Variants in CCN4 observed in about 807,000 individuals in gnomAD.
CCN4 encodes the protein CCN family member 4.
In CCN4, 30 loss-of-function variants were observed where a neutral mutation model predicts 36.7. The ratio of observed to expected loss-of-function variants is 0.82; its 90% CI spans 0.61 to 1.11. CCN4 has a LOEUF of 1.11. CCN4 is among the 50% of genes least tolerant of loss of function. CCN4 has a pLI of 0.00. For synonymous variants in CCN4, 191 were observed against 195.4 expected, an observed-to-expected ratio of 0.98 and a Z score of 0.19; for missense variants, 505 against 504.9, an observed-to-expected ratio of 1.00 and a Z score of 0.00.
chr8:133,227,621 G>A lies in CCN4; in HGVS notation c.1015G>A (p.Ala339Thr), dbSNP rs773338653. The A allele has an allele frequency of 1.9e-6, 3 of 1,614,208 alleles. 1 individual carries two copies. The South Asian group carries it at 3.3e-5, about 18-fold the overall frequency. ...GFSRQVLWIN[A>T]CFCNLSCRNP... The stretch of plus-strand genomic sequence containing the variant: ...CTCCCGCCAGGTCCTATGGATTAAT[G>A]CCTGCTTCTGTAACCTGAGCTGTAG... The change falls in exon 5 of 5, where the codon GCC (alanine) becomes ACC (threonine). Residue 339 changes from alanine to threonine, a missense_variant. Physicochemically the swap from Ala to Thr is moderately conservative, Grantham distance 58. Transcript: ENST00000250160.
chr8:133,194,043 A>G (rs759082354), intron 1 of CCN4, among the ~76,000 whole-genome samples: 17 of 152,100 alleles, frequency 1.1e-4, no homozygotes, highest in Non-Finnish European at 2.2e-4. Flanking sequence ...CTGCTGCTGA[A>G]CGTGAAAATG....
chr8:133,201,844 AAAAAGAAAAGAAAAG>A (rs145650035), intron 1 of CCN4, among the ~76,000 whole-genome samples: 2 of 147,502 alleles, frequency 1.4e-5, no homozygotes, highest in African/African-American at 2.6e-5. Flanking sequence ...TTCAGTCTCA[AAAAAGAAAAGAAAAG>A]AAAAGAAAAG....
chr8:133,201,010 CTG>C (rs1853569571), intron 1 of CCN4, among the ~76,000 whole-genome samples: 1 of 152,136 alleles, frequency 6.6e-6, no homozygotes. Flanking sequence ...AGGGAGCACT[CTG>C]TGGTCCTATT....
At chr8:133,200,476 G>C (rs1275674783) in intron 1 of CCN4, among the ~76,000 whole-genome samples, 3 of 152,180 alleles carry the variant, frequency 2.0e-5, no homozygotes, top group Non-Finnish European at 4.4e-5. Flanking sequence ...CTCCAGGGCT[G>C]GCCCCCTCCG....
chr8:133,197,725 G>A (rs943572395), intron 1 of CCN4, among the ~76,000 whole-genome samples: 1 of 152,166 alleles, frequency 6.6e-6, no homozygotes, highest in Non-Finnish European at 1.5e-5. Flanking sequence ...GGGGCTTTGA[G>A]TGTGGATCTG....
At chr8:133,199,581 C>T (rs979595600) in intron 1 of CCN4, among the ~76,000 whole-genome samples, 2 of 152,190 alleles carry the variant, frequency 1.3e-5, no homozygotes, top group African/African-American at 2.4e-5. Flanking sequence ...AGTGTTGTCT[C>T]ATGGTCCTTT....
intron 1 of CCN4, among the ~76,000 whole-genome samples, chr8:133,204,976 TGAGTA>T (rs1294652264): frequency 1.3e-5 from 2 of 152,252 alleles, no homozygotes; most frequent in African/African-American, 4.8e-5. Flanking sequence ...TTGGGATCTC[TGAGTA>T]GAGTGTCCAT....
intron 1 of CCN4, among the ~76,000 whole-genome samples, chr8:133,200,369 C>T (rs977084628): frequency 6.6e-5 from 10 of 152,188 alleles, no homozygotes; most frequent in African/African-American, 1.4e-4. Context: ...ACTACCCCAT[C>T]GGGTAGATGC....
chr8:133,201,102 GC>G (rs1245561393), intron 1 of CCN4, among the ~76,000 whole-genome samples: 2 of 152,156 alleles, frequency 1.3e-5, no homozygotes, highest in Non-Finnish European at 2.9e-5. Flanking sequence ...TTACAGTGTG[GC>G]CCTTAGGTGT....
At position 133,229,205 on chromosome 8, in the gene CCN4, C is replaced by T. The variant is rs1854863381; in HGVS notation, c.*1495C>T. ...TCAACCAGAGTCACCCAGTTGGTGA[C>T]TGGGAAAGTTAGGATTCAGATCGAA... is the stretch of plus-strand genomic sequence containing the variant. On this transcript the variant is annotated 3_prime_UTR_variant, in exon 5 of 5. Transcript: ENST00000250160. 6.6e-6 allele frequency: 1 copy of T among 152,160 alleles called. No homozygotes were observed. The highest frequency in any genetic ancestry group is 6.5e-5 in the Admixed American group (1 of 15,272). The allele number at this position is 152,160 out of a possible 1,614,324, so 9.4% of individuals were successfully genotyped here. A position where few individuals can be genotyped will look rare whatever the true frequency, so the allele number is the denominator to read the frequency against.
intron 1 of CCN4, among the ~76,000 whole-genome samples, chr8:133,196,764 C>G (rs1273665267): frequency 6.6e-6 from 1 of 152,226 alleles, no homozygotes; most frequent in Non-Finnish European, 1.5e-5. Context: ...ACAAAGCCCA[C>G]AAGGCCCCAG....
intron 2 of CCN4, 139 bp downstream of exon 2, chr8:133,213,282 GC>G: frequency 9.2e-7 from 1 of 1,088,962 alleles, no homozygotes; most frequent in Non-Finnish European, 1.3e-6. Flanking sequence ...ATGATCAGAG[GC>G]CAGAGGCTGG....
intron 1 of CCN4, among the ~76,000 whole-genome samples, chr8:133,201,765 C>G (rs1853594018): frequency 6.6e-6 from 1 of 152,102 alleles, no homozygotes; most frequent in South Asian, 2.1e-4. Flanking sequence ...ATCACTTGAA[C>G]TCTGGAGGCA....
At chr8:133,199,383 G>A (rs1853503900) in intron 1 of CCN4, among the ~76,000 whole-genome samples, 1 of 152,182 alleles carries the variant, frequency 6.6e-6, no homozygotes, top group Non-Finnish European at 1.5e-5. Flanking sequence ...CCACATCCCA[G>A]CCCCAAGCCC....
chr8:133,207,994 G>GTTTTTTTTTT lies in CCN4; in HGVS notation c.70-4865_70-4856dup, dbSNP rs33983896. Among the ~76,000 whole-genome samples the GTTTTTTTTTT allele has an allele frequency of 5.0e-4, 71 of 141,660 alleles. 2 individuals carry two copies. Among genetic ancestry groups the GTTTTTTTTTT allele is most frequent in the East Asian group, 1.8e-3 (8 of 4,470 alleles). The allele number at this position is 141,660 out of a possible 152,430, so 92.9% of individuals were successfully genotyped here. On this transcript the variant is annotated intron_variant, in intron 1 of 4. Transcript: ENST00000250160. ...ATGGTGCACTCACTACCTTTCAGCT[G>GTTTTTTTTTT]TTTTTTTTTTTTTTCATCAGAAAAT...
intron 1 of CCN4, among the ~76,000 whole-genome samples, chr8:133,200,477 GC>G (rs1463882714): frequency 5.3e-5 from 8 of 152,182 alleles, no homozygotes; most frequent in African/African-American, 1.9e-4. Context: ...TCCAGGGCTG[GC>G]CCCCTCCGTG....
chr8:133,208,345 G>A (rs183555795), intron 1 of CCN4, among the ~76,000 whole-genome samples: 2 of 152,258 alleles, frequency 1.3e-5, no homozygotes, highest in African/African-American at 4.8e-5. Context: ...TTTTACAGAG[G>A]AGAAGACAGG....
In CCN4 at chr8:133,223,458, G is replaced by GCATT. The variant is rs1278775109; in HGVS notation, c.611-1924_611-1921dup. ...TTCCCTCTCTCACTCAGTGATTCCT[G>GCATT]CATTCATTCATCAATGTTCCCAGCA... is the stretch of plus-strand genomic sequence containing the variant. On this transcript the variant is annotated intron_variant, in intron 3 of 4. Transcript: ENST00000250160. 7.9e-5 allele frequency among the ~76,000 whole-genome samples: 12 copies of GCATT among 152,192 alleles called. No homozygotes were observed. In the East Asian group the frequency reaches 1.4e-3, roughly 17 times the overall value.
At chr8:133,199,195 G>C (rs1305164628) in intron 1 of CCN4, among the ~76,000 whole-genome samples, 1 of 152,256 alleles carries the variant, frequency 6.6e-6, no homozygotes, top group East Asian at 1.9e-4. Context: ...AGGACAGAAC[G>C]AGGAGTCAGG....
Sources: gnomAD v4.1 joint callset for allele counts (sites outside exome capture counted in the v4.1 genomes callset) on GRCh38, gnomAD v4.1.1 for gene constraint, MANE v1.5 for transcripts, NCBI Gene and HGNC (gene_info 2026-07-23, HGNC 2026-07-21) for gene names.